The following MCM10 variants were observed in gnomAD, a reference collection of about 807,000 sequenced individuals.
MCM10 encodes protein MCM10 homolog.
MCM10 carries 91 observed loss-of-function variants against 109.9 expected under a neutral mutation model. The observed-to-expected ratio is 0.83, with a 90% CI of 0.70 to 0.99. MCM10 has a LOEUF of 0.99. MCM10 is among the 50% of genes least tolerant of loss of function. MCM10 has a pLI of 0.00. For synonymous variants in MCM10, 380 were observed against 387.2 expected (o/e 0.98, Z 0.22); for missense variants, 1,077 against 1,061.2 (o/e 1.01, Z -0.21).
chr10:13,200,672 C>T (rs764040512), intron 16 of MCM10, among the ~76,000 whole-genome samples: 1 of 152,264 alleles, frequency 6.6e-6, no homozygotes, highest in Non-Finnish European at 1.5e-5. Flanking sequence ...ACAAGCATCT[C>T]TGCCCTCAGG....
chr10:13,175,250 A>G (rs920643538), intron 5 of MCM10, among the ~76,000 whole-genome samples: 12 of 152,132 alleles, frequency 7.9e-5, no homozygotes, highest in Non-Finnish European at 1.5e-5. Flanking sequence ...CCTGGGCAAC[A>G]TGGCAAAACC....
chr10:13,168,214 C>G (rs996274506), intron 2 of MCM10, among the ~76,000 whole-genome samples: 12 of 152,208 alleles, frequency 7.9e-5, no homozygotes, highest in African/African-American at 2.9e-4. Context: ...GTGACATTCT[C>G]AGAGCACAGG....
intron 18 of MCM10, among the ~76,000 whole-genome samples, chr10:13,204,998 G>A (rs200082203): frequency 3.0e-3 from 58 of 19,420 alleles, no homozygotes; most frequent in Admixed American, 6.9e-3. Context: ...ATGTATGTAT[G>A]TATGTATATA....
intron 5 of MCM10, among the ~76,000 whole-genome samples, chr10:13,173,801 GT>G (rs1399126977): frequency 1.3e-5 from 2 of 152,138 alleles, no homozygotes; most frequent in Non-Finnish European, 2.9e-5. Context: ...CCAAAGTTTG[GT>G]TTTAAGGGGT....
In MCM10 at chr10:13,189,050, G is replaced by A. The variant is rs1588473662; in HGVS notation, c.1385G>A (p.Gly462Glu). The stretch of plus-strand genomic sequence containing the variant: ...TGCCAAGATGGCTTTTACTACGGAG[G>A]GGTTTCTTCTGCCTCGTATGCAGCT... ...RLCQDGFYYG[G>E]VSSASYAASI... The change falls in exon 10 of 20, where the codon GGG (glycine) becomes GAG (glutamate). Residue 462 changes from glycine (G) to glutamate (E), a missense_variant. By Grantham distance (98) the Gly-to-Glu change is moderately conservative. Coordinates refer to ENST00000378714, the MANE Select transcript of MCM10 (RefSeq NM_018518.5). 5.6e-6 allele frequency: 9 copies of A among 1,614,218 alleles called. No homozygotes were observed. The East Asian group carries it at 2.0e-4, about 36-fold the overall frequency.
intron 14 of MCM10, among the ~76,000 whole-genome samples, chr10:13,196,668 A>G (rs978943546): frequency 1.3e-5 from 2 of 151,880 alleles, no homozygotes; most frequent in African/African-American, 4.8e-5. Context: ...GCCCACCACC[A>G]TGCCTGACTA....
At chr10:13,198,555 G>C in intron 15 of MCM10, 134 bp from the exon 16 acceptor site, 1 of 655,870 alleles carries the variant, frequency 1.5e-6, no homozygotes, top group Non-Finnish European at 2.7e-6. Flanking sequence ...TCCCTGCTGG[G>C]ACCAGCGGGG....
chr10:13,183,919 C>T (rs902160962), intron 8 of MCM10, among the ~76,000 whole-genome samples: 2 of 152,048 alleles, frequency 1.3e-5, no homozygotes, highest in East Asian at 1.9e-4. Context: ...AGTGCAATGG[C>T]GTGATCTTGA....
intron 2 of MCM10, 58 bp from the exon 3 acceptor site, chr10:13,170,864 G>A (rs962570521): frequency 6.7e-7 from 1 of 1,497,198 alleles, no homozygotes; most frequent in South Asian, 1.2e-5. Context: ...ATTGCCTAAA[G>A]TTGAATGTTT....
rs778249387 is a variant in MCM10, at chr10:13,197,738, T to C, written c.2090T>C (p.Val697Ala). ...PQDILEVKER[V>A]EKNTMFSSQA... ...GACATCCTGGAGGTGAAGGAACGTG[T>C]AGAAAAAAACACCATGTTTTCTTCT... Residue 697 changes from valine (V) to alanine (A), a missense_variant, in exon 15 of 20, where the codon GTA becomes GCA. Val to Ala is a moderately conservative substitution (Grantham distance 64, BLOSUM62 0). Coordinates refer to ENST00000378714, the MANE Select transcript of MCM10 (RefSeq NM_018518.5). 4 of 1,612,724 alleles carry C rather than the reference T, an allele frequency of 2.5e-6. No homozygotes were observed. In the South Asian group the frequency reaches 3.3e-5, roughly 13 times the overall value.
At position 13,195,156 on chromosome 10, in the gene MCM10, G is replaced by T. The variant is rs1834399696; in HGVS notation, c.1861G>T (p.Ala621Ser). ...GTTCCCCAGGCTGGAGGGAGCCCCGGCCACAATGACGCCCAAGCTGGGGCG... is the reference window on the plus strand; with the variant it reads ...GTTCCCCAGGCTGGAGGGAGCCCCGTCCACAATGACGCCCAAGCTGGGGCG... ...SEFPRLEGAP[A>S]TMTPKLGRGV... Residue 621 changes from alanine to serine, a missense_variant, in exon 14 of 20, where the codon GCC (alanine) becomes TCC (serine). Coordinates refer to ENST00000378714, the MANE Select transcript of MCM10 (RefSeq NM_018518.5). The T allele has an allele frequency of 1.2e-6, 2 of 1,614,004 alleles. No individual in the cohort carries two copies. Among genetic ancestry groups the T allele is most frequent in the South Asian group, 2.2e-5 (2 of 91,076 alleles).
intron 10 of MCM10, 42 bp downstream of exon 10, chr10:13,189,122 T>C (rs1381552492): frequency 5.6e-6 from 9 of 1,601,850 alleles, no homozygotes; most frequent in Non-Finnish European, 7.7e-6. Context: ...GGATTTTGCT[T>C]ATCAAAGACT....
At chr10:13,202,215 G>A (rs1834509771) in intron 17 of MCM10, among the ~76,000 whole-genome samples, 2 of 152,018 alleles carry the variant, frequency 1.3e-5, no homozygotes, top group South Asian at 2.1e-4. Context: ...AAAATTAGCC[G>A]GTGTGGTGGT....
At chr10:13,173,628 C>A (rs1834104115) in intron 5 of MCM10, among the ~76,000 whole-genome samples, 1 of 152,158 alleles carries the variant, frequency 6.6e-6, no homozygotes, top group Non-Finnish European at 1.5e-5. Context: ...TTTGGAAAAG[C>A]CCCTTTGAAT....
intron 2 of MCM10, among the ~76,000 whole-genome samples, chr10:13,166,779 T>C (rs1431533694): frequency 6.6e-6 from 1 of 150,422 alleles, no homozygotes; most frequent in Non-Finnish European, 1.5e-5. Flanking sequence ...AGCGAATGAA[T>C]TGAGGAAGTG....
intron 8 of MCM10, among the ~76,000 whole-genome samples, chr10:13,185,301 G>T (rs912434512): frequency 6.6e-6 from 1 of 152,196 alleles, no homozygotes; most frequent in African/African-American, 2.4e-5. Flanking sequence ...GTCCTAGGAG[G>T]GGTGAGGACA....
At chr10:13,189,674 T>C (rs947374876) in intron 10 of MCM10, among the ~76,000 whole-genome samples, 4 of 152,256 alleles carry the variant, frequency 2.6e-5, no homozygotes, top group Admixed American at 2.6e-4. Flanking sequence ...CCATTAAAAA[T>C]GTGTTAATTA....
At chr10:13,181,632 T>C (rs1834210969) in intron 7 of MCM10, among the ~76,000 whole-genome samples, 1 of 152,150 alleles carries the variant, frequency 6.6e-6, no homozygotes, top group African/African-American at 2.4e-5. Context: ...GACACACGTT[T>C]ACCTATGTAA....
chr10:13,195,022 G>T lies in MCM10; in HGVS notation c.1746-19G>T. On this transcript the variant is annotated intron_variant, in intron 13 of 19. Coordinates refer to ENST00000378714, the MANE Select transcript of MCM10 (RefSeq NM_018518.5). ...TTCGTAAACCCTGTTTGCGTATTTT[G>T]ACTGTATGTTCTTTAAAGATTTCTG... The T allele has an allele frequency of 6.2e-7, 1 of 1,602,092 alleles. No individual in the cohort carries two copies. Among genetic ancestry groups the T allele is most frequent in the South Asian group, 1.1e-5 (1 of 89,986 alleles).
Sources: gnomAD v4.1 joint callset for allele counts (sites outside exome capture counted in the v4.1 genomes callset) on GRCh38, gnomAD v4.1.1 for gene constraint, MANE v1.5 for transcripts, NCBI Gene and HGNC (gene_info 2026-07-23, HGNC 2026-07-21) for gene names.